SEMA6D: variants seen among roughly 807,000 people sequenced by gnomAD.
The protein encoded by SEMA6D is semaphorin-6D.
SEMA6D carries 35 observed loss-of-function variants against 106.6 expected under a neutral mutation model. The ratio of observed to expected loss-of-function variants is 0.33; its 90% CI spans 0.25 to 0.44. The LOEUF is 0.44. Among genes scored for constraint, SEMA6D ranks in the 20% least tolerant of loss-of-function variants. SEMA6D has a pLI of 1.00. For synonymous variants in SEMA6D, 499 were observed against 487.7 expected, an observed-to-expected ratio of 1.02 and a Z score of -0.31; for missense variants, 1,185 against 1,345.9, an observed-to-expected ratio of 0.88 and a Z score of 1.87.
At chr15:47,600,571 C>T (rs1249777839) in intron 3 of SEMA6D, among the ~76,000 whole-genome samples, 1 of 152,120 alleles carries the variant, frequency 6.6e-6, no homozygotes, top group African/African-American at 2.4e-5. Context: ...GTTTCACATG[C>T]ACAGTGTCTA....
intron 1 of SEMA6D, among the ~76,000 whole-genome samples, chr15:47,365,998 A>G (rs774156737): frequency 6.6e-5 from 10 of 152,174 alleles, no homozygotes; most frequent in Non-Finnish European, 1.3e-4. Flanking sequence ...GTTTTTTTCC[A>G]GAGCATATTA....
chr15:47,693,340 C>G (rs1479196162), intron 4 of SEMA6D, among the ~76,000 whole-genome samples: 1 of 152,124 alleles, frequency 6.6e-6, no homozygotes, highest in African/African-American at 2.4e-5. Context: ...ACTTCTGGCC[C>G]CTAGAACTGT....
intron 3 of SEMA6D, among the ~76,000 whole-genome samples, chr15:47,486,654 A>C (rs2043305256): frequency 6.6e-6 from 1 of 152,228 alleles, no homozygotes; most frequent in Admixed American, 6.5e-5. Context: ...CACCTGGCCA[A>C]AGACATGGGA....
intron 1 of SEMA6D, among the ~76,000 whole-genome samples, chr15:47,265,933 G>A (rs1341276973): frequency 1.3e-5 from 2 of 152,136 alleles, no homozygotes; most frequent in African/African-American, 4.8e-5. Flanking sequence ...CCTCTCTGTC[G>A]CTGTTTCTTT....
chr15:47,689,098 G>A lies in SEMA6D; in HGVS notation c.-54-70647G>A, dbSNP rs141088227. 3.9e-3 allele frequency among the ~76,000 whole-genome samples: 593 copies of A among 152,264 alleles called. 3 individuals are homozygous for A. Among genetic ancestry groups the A allele is most frequent in the African/African-American group, 0.014 (576 of 41,556 alleles). On this transcript the variant is annotated intron_variant, in intron 4 of 19. Coordinates refer to the SEMA6D transcript ENST00000558014. ...GCAGAAATATGGATCATACAGTAAT[G>A]CCCTTCCCATACCTGGAAACAGATA...
At chr15:47,610,557 C>T (rs1007545571) in intron 4 of SEMA6D, among the ~76,000 whole-genome samples, 3 of 152,316 alleles carry the variant, frequency 2.0e-5, no homozygotes, top group Middle Eastern at 3.4e-3. Context: ...CTCAGGCAAA[C>T]GCCCCCGCCA....
intron 1 of SEMA6D, among the ~76,000 whole-genome samples, chr15:47,214,712 C>T (rs1165924211): frequency 6.6e-6 from 1 of 152,140 alleles, no homozygotes; most frequent in Non-Finnish European, 1.5e-5. Flanking sequence ...ATGTTTTATC[C>T]TGAGGGAAAT....
At chr15:47,508,540 C>G (rs2044126246) in intron 3 of SEMA6D, among the ~76,000 whole-genome samples, 1 of 152,146 alleles carries the variant, frequency 6.6e-6, no homozygotes, top group African/African-American at 2.4e-5. Context: ...TTTATTGGCT[C>G]AACTTTTTAA....
chr15:47,184,949 G>C (rs35314638), intron 1 of SEMA6D, among the ~76,000 whole-genome samples: 20,980 of 152,178 alleles, frequency 0.14, 1,829 homozygotes, highest in Middle Eastern at 0.18. Context: ...GTGAGCACGA[G>C]TACCTGGGTG....
chr15:47,611,335 T>G (rs1032791491), intron 4 of SEMA6D, among the ~76,000 whole-genome samples: 1 of 152,198 alleles, frequency 6.6e-6, no homozygotes, highest in Non-Finnish European at 1.5e-5. Context: ...ATAAATGATT[T>G]AGTTATGACA....
chr15:47,219,222 G>A (rs1469011091), intron 1 of SEMA6D, among the ~76,000 whole-genome samples: 1 of 152,148 alleles, frequency 6.6e-6, no homozygotes, highest in Non-Finnish European at 1.5e-5. Flanking sequence ...TAAAGAAGCT[G>A]GATGGAGTTG....
At chr15:47,495,913 T>C (rs1163257472) in intron 3 of SEMA6D, among the ~76,000 whole-genome samples, 1 of 152,028 alleles carries the variant, frequency 6.6e-6, no homozygotes, top group Non-Finnish European at 1.5e-5. Context: ...TTAAAGATCT[T>C]CCTAATACTC....
At chr15:47,201,515 CAT>C in intron 1 of SEMA6D, among the ~76,000 whole-genome samples, 1 of 152,226 alleles carries the variant, frequency 6.6e-6, no homozygotes, top group South Asian at 2.1e-4. Context: ...ATAATACAGA[CAT>C]TATTCAATAT....
chr15:47,721,322 T>C (rs78496746), intron 1 of SEMA6D, among the ~76,000 whole-genome samples: 4,826 of 152,336 alleles, frequency 0.032, 247 homozygotes, highest in African/African-American at 0.11. Flanking sequence ...AATGATTCAA[T>C]GTACTGTTAA....
At chr15:47,356,191 T>C (rs1445946001) in intron 1 of SEMA6D, among the ~76,000 whole-genome samples, 1 of 152,192 alleles carries the variant, frequency 6.6e-6, no homozygotes, top group Admixed American at 6.5e-5. Flanking sequence ...AGAAAAGAGA[T>C]GGCAAGAGAC....
At chr15:47,596,748 C>T (rs1338393879) in intron 3 of SEMA6D, among the ~76,000 whole-genome samples, 1 of 151,948 alleles carries the variant, frequency 6.6e-6, no homozygotes, top group Non-Finnish European at 1.5e-5. Context: ...TGAAACTAGA[C>T]CCATATCTCT....
intron 1 of SEMA6D, among the ~76,000 whole-genome samples, chr15:47,257,668 G>C (rs2033879333): frequency 6.6e-6 from 1 of 151,602 alleles, no homozygotes; most frequent in Admixed American, 6.6e-5. Context: ...TGTTAAATTT[G>C]TGAAATGTGT....
At chr15:47,292,191 A>G (rs941024683) in intron 1 of SEMA6D, among the ~76,000 whole-genome samples, 1 of 152,226 alleles carries the variant, frequency 6.6e-6, no homozygotes, top group Non-Finnish European at 1.5e-5. Context: ...ACTTTGAAAG[A>G]CCACTGTGTT....
chr15:47,310,235 G>A (rs1013648271), intron 1 of SEMA6D, among the ~76,000 whole-genome samples: 2 of 152,154 alleles, frequency 1.3e-5, no homozygotes, highest in Non-Finnish European at 2.9e-5. Context: ...TGAAAGGGCT[G>A]TAAGCTCAGC....
Sources: allele counts gnomAD v4.1 joint callset (sites outside exome capture counted in the v4.1 genomes callset), GRCh38; gene constraint gnomAD v4.1.1; transcripts MANE v1.5; gene names NCBI Gene and HGNC (gene_info 2026-07-23, HGNC 2026-07-21).